The following SSX2IP variants were observed in gnomAD, a reference collection of about 807,000 sequenced individuals.
SSX2IP encodes SSX family member 2 interacting protein, also known as afadin- and alpha-actinin-binding protein.
Under a neutral mutation model 84.9 loss-of-function variants are expected in SSX2IP, and 55 were observed. That is an observed-to-expected ratio of 0.65 (90% CI 0.52 to 0.81). The LOEUF (loss-of-function observed/expected upper bound fraction) is 0.81. SSX2IP is among the 30% of genes least tolerant of loss of function. SSX2IP has a pLI of 0.00. For missense variants in SSX2IP, 664 were observed against 705.2 expected (o/e 0.94, Z 0.66); for synonymous variants, 239 against 234.7 (o/e 1.02, Z -0.17).
intron 10 of SSX2IP, 104 bp from the exon 11 acceptor site, chr1:84,656,109 G>A: frequency 1.8e-6 from 2 of 1,124,792 alleles, no homozygotes; most frequent in Non-Finnish European, 2.5e-6. Flanking sequence ...GGCAGGAATA[G>A]AAATTATTAA....
chr1:84,662,089 T>G, intron 8 of SSX2IP, 109 bp downstream of exon 8: 1 of 679,938 alleles, frequency 1.5e-6, no homozygotes, highest in Non-Finnish European at 2.5e-6. Flanking sequence ...AGCAGTTGAG[T>G]GTCCTATTCA....
intron 8 of SSX2IP, among the ~76,000 whole-genome samples, chr1:84,659,254 G>A (rs1012230618): frequency 1.3e-5 from 2 of 152,024 alleles, no homozygotes; most frequent in Admixed American, 6.6e-5. Context: ...TCGACTGCTC[G>A]CACATGGAGA....
chr1:84,672,200 T>C lies in SSX2IP; in HGVS notation c.-89-892A>G, dbSNP rs893758246. On this transcript the variant is annotated intron_variant, in intron 1 of 13. Transcript: ENST00000342203. ...TGAAATTGTAAGTGGCAACTGGCAA[T>C]TGATTTCAAGGTCAGGGGGAAGAGG... Among the ~76,000 whole-genome samples, 8 of 152,272 alleles carry C rather than the reference T, an allele frequency of 5.3e-5. No homozygotes were observed. The East Asian group carries it at 1.4e-3, about 26-fold the overall frequency.
At chr1:84,690,135 T>C (rs1281378790) in intron 1 of SSX2IP, 1 of 152,192 alleles carries the variant, frequency 6.6e-6, no homozygotes, top group Admixed American at 6.5e-5. Flanking sequence ...GCGAGAGCGG[T>C]CCCGGGGCCA....
chr1:84,686,116 C>G (rs1384097065), intron 1 of SSX2IP, among the ~76,000 whole-genome samples: 1 of 152,238 alleles, frequency 6.6e-6, no homozygotes, highest in African/African-American at 2.4e-5. Flanking sequence ...AATATATTCT[C>G]AGTGCTGACT....
chr1:84,671,804 CACT>C (rs1374932158), intron 1 of SSX2IP, among the ~76,000 whole-genome samples: 2 of 152,152 alleles, frequency 1.3e-5, no homozygotes, highest in African/African-American at 4.8e-5. Context: ...TAGCAATTTA[CACT>C]ACTACCAAGA....
chr1:84,676,015 G>A (rs555251444), intron 1 of SSX2IP, among the ~76,000 whole-genome samples: 4 of 152,244 alleles, frequency 2.6e-5, no homozygotes, highest in East Asian at 1.9e-4. Context: ...GACACATGTC[G>A]TCAGGTCCTC....
intron 4 of SSX2IP, 29 bp downstream of exon 4, chr1:84,669,652 G>A (rs1465182760): frequency 6.6e-7 from 1 of 1,512,496 alleles, no homozygotes; most frequent in Admixed American, 1.7e-5. Context: ...TATAATTATG[G>A]CATTAAAATA....
chr1:84,648,965 TAC>T (rs1649833812), intron 13 of SSX2IP, among the ~76,000 whole-genome samples: 1 of 152,322 alleles, frequency 6.6e-6, no homozygotes, highest in African/African-American at 2.4e-5. Context: ...TGGTTTATAT[TAC>T]AGACTCCTAC....
At chr1:84,668,720 T>C (rs897230401) in intron 4 of SSX2IP, among the ~76,000 whole-genome samples, 7 of 152,106 alleles carry the variant, frequency 4.6e-5, no homozygotes, top group African/African-American at 1.7e-4. Context: ...TATTATTCCC[T>C]CACAGAGCTC....
At chr1:84,674,554 T>C (rs1234063980) in intron 1 of SSX2IP, among the ~76,000 whole-genome samples, 1 of 152,174 alleles carries the variant, frequency 6.6e-6, no homozygotes, top group Non-Finnish European at 1.5e-5. Flanking sequence ...AGTAAGACAA[T>C]AGTGCCTTAA....
chr1:84,649,599 CTG>C (rs1258872546), intron 13 of SSX2IP: 6 of 173,158 alleles, frequency 3.5e-5, no homozygotes, highest in African/African-American at 1.4e-4. Context: ...TCAGCTCTGA[CTG>C]TTTTCCAAGG....
intron 4 of SSX2IP, among the ~76,000 whole-genome samples, chr1:84,667,545 A>AT (rs905388003): frequency 1.3e-5 from 2 of 152,030 alleles, no homozygotes; most frequent in Non-Finnish European, 2.9e-5. Context: ...CTGCCAGAAT[A>AT]TTTACACATT....
chr1:84,647,752 G>A (rs28711144), intron 13 of SSX2IP, 145 bp from the exon 14 acceptor site: 268 of 261,534 alleles, frequency 1.0e-3, no homozygotes, highest in Middle Eastern at 2.9e-3. Context: ...ATTTTACTTG[G>A]AAAAAAAAAA....
chr1:84,651,815 T>C (rs1650295599), intron 12 of SSX2IP, 68 bp downstream of exon 12: 1 of 908,124 alleles, frequency 1.1e-6, no homozygotes, highest in Admixed American at 2.5e-5. Flanking sequence ...TAATATGTAG[T>C]ATTTTGTAAT....
At chr1:84,656,324 C>G in intron 10 of SSX2IP, 24 bp downstream of exon 10, 1 of 1,605,220 alleles carries the variant, frequency 6.2e-7, no homozygotes, top group Non-Finnish European at 8.5e-7. Context: ...TGGAGAACAG[C>G]TTTAAAAGGT....
chr1:84,664,862 C>G (rs1652539919), intron 5 of SSX2IP, among the ~76,000 whole-genome samples: 1 of 152,074 alleles, frequency 6.6e-6, no homozygotes, highest in Non-Finnish European at 1.5e-5. Flanking sequence ...CTGAGATAAA[C>G]AGAATTCATC....
intron 1 of SSX2IP, 78 bp from the exon 2 acceptor site, chr1:84,671,386 G>A (rs1653557072): frequency 8.0e-7 from 1 of 1,252,680 alleles, no homozygotes; most frequent in Non-Finnish European, 1.0e-6. Context: ...TTAAGAATTA[G>A]TTGTATGTGC....
Position 84,671,178 on chromosome 1 carries a change from T to G in SSX2IP, c.42A>C (p.Ser14=), listed in dbSNP as rs759682709. 6.2e-6 allele frequency: 10 copies of G among 1,610,624 alleles called. No homozygotes were observed. The African/African-American group carries it at 1.3e-4, about 22-fold the overall frequency. The change falls in exon 2 of 14, where the codon TCA becomes TCC. Residue 14 remains serine (S), a splice_region_variant and synonymous_variant. Transcript: ENST00000342203. ...WMTVTDPGLS[S]ESKTISQYTS... is the part of the protein sequence containing the mutation. ...TTACAATTATTTAGACTTAATTACC[T>G]GAAGACAGACCTGGATCTGTAACAG...
Sources: gnomAD v4.1 joint callset for allele counts (sites outside exome capture counted in the v4.1 genomes callset) on GRCh38, gnomAD v4.1.1 for gene constraint, MANE v1.5 for transcripts, NCBI Gene and HGNC (gene_info 2026-07-23, HGNC 2026-07-21) for gene names.